Variants in OSBPL6 observed in about 807,000 individuals in gnomAD.
OSBPL6 encodes the protein oxysterol-binding protein-related protein 6.
In OSBPL6, 49 loss-of-function variants were observed where a neutral mutation model predicts 125.8. That is an observed-to-expected ratio of 0.39 (90% CI 0.31 to 0.49). The LOEUF is 0.49. Among genes scored for constraint, OSBPL6 ranks in the 20% least tolerant of loss-of-function variants. The pLI is 0.88. For missense variants in OSBPL6, 986 were observed against 1,135.4 expected, an observed-to-expected ratio of 0.87 and a Z score of 1.89; for synonymous variants, 394 against 391.8, an observed-to-expected ratio of 1.01 and a Z score of -0.07.
intron 2 of OSBPL6, among the ~76,000 whole-genome samples, chr2:178,295,718 A>T (rs1172768442): frequency 1.3e-5 from 2 of 152,106 alleles, no homozygotes; most frequent in African/African-American, 4.8e-5. Flanking sequence ...TCCTTATTGG[A>T]AGGTGTTGTG....
intron 11 of OSBPL6, among the ~76,000 whole-genome samples, chr2:178,348,160 G>A (rs1373089250): frequency 1.3e-5 from 2 of 152,132 alleles, no homozygotes; most frequent in African/African-American, 2.4e-5. Flanking sequence ...AATTAAAAAA[G>A]AAGAGGTCCT....
chr2:178,311,108 A>G (rs1015544171), intron 3 of OSBPL6, among the ~76,000 whole-genome samples: 1 of 152,144 alleles, frequency 6.6e-6, no homozygotes, highest in Non-Finnish European at 1.5e-5. Flanking sequence ...TGAATTGCTG[A>G]CCACTGTCTA....
intron 1 of OSBPL6, among the ~76,000 whole-genome samples, chr2:178,229,318 A>G (rs1340535239): frequency 1.3e-5 from 2 of 152,170 alleles, no homozygotes; most frequent in African/African-American, 4.8e-5. Context: ...TGATCTCTAG[A>G]CCGTGCATGG....
intron 1 of OSBPL6, among the ~76,000 whole-genome samples, chr2:178,241,142 T>G (rs1438932852): frequency 6.6e-6 from 1 of 152,028 alleles, no homozygotes; most frequent in Non-Finnish European, 1.5e-5. Flanking sequence ...CGGTAGAAAT[T>G]TATAGTTAAG....
intron 15 of OSBPL6, among the ~76,000 whole-genome samples, chr2:178,379,521 T>C (rs1437879703): frequency 6.6e-6 from 1 of 152,030 alleles, no homozygotes; most frequent in Non-Finnish European, 1.5e-5. Flanking sequence ...CGAGGAAGAA[T>C]AGACTTTATA....
chr2:178,287,007 GT>G (rs1304269701), intron 2 of OSBPL6, among the ~76,000 whole-genome samples: 1 of 151,984 alleles, frequency 6.6e-6, no homozygotes. Flanking sequence ...TGAACCAAAT[GT>G]TTATATGGTA....
chr2:178,326,311 G>A (rs943836273), intron 4 of OSBPL6, among the ~76,000 whole-genome samples: 3 of 151,952 alleles, frequency 2.0e-5, no homozygotes, highest in Non-Finnish European at 2.9e-5. Context: ...AAACTTGGGC[G>A]ATTATGACAT....
At chr2:178,238,895 AT>A (rs1397372301) in intron 1 of OSBPL6, among the ~76,000 whole-genome samples, 1 of 152,002 alleles carries the variant, frequency 6.6e-6, no homozygotes, top group African/African-American at 2.4e-5. Context: ...GCTTTTTCAC[AT>A]TTTCTTATCC....
intron 13 of OSBPL6, among the ~76,000 whole-genome samples, chr2:178,371,199 C>G (rs1019269730): frequency 6.6e-5 from 10 of 152,138 alleles, no homozygotes; most frequent in Non-Finnish European, 1.2e-4. Context: ...TGTCTTCTCA[C>G]AGGTCTTTAA....
chr2:178,286,597 A>G (rs533847130), intron 2 of OSBPL6, among the ~76,000 whole-genome samples: 1 of 152,334 alleles, frequency 6.6e-6, no homozygotes, highest in Admixed American at 6.5e-5. Flanking sequence ...TAATTTTCAT[A>G]GTGATGTGCT....
At chr2:178,221,060 G>A (rs963668054) in intron 1 of OSBPL6, among the ~76,000 whole-genome samples, 5 of 152,170 alleles carry the variant, frequency 3.3e-5, no homozygotes, top group Non-Finnish European at 5.9e-5. Context: ...AGCCCATTGA[G>A]GCAGCTCAGG....
intron 1 of OSBPL6, among the ~76,000 whole-genome samples, chr2:178,270,909 A>C (rs1479995456): frequency 6.6e-6 from 1 of 152,202 alleles, no homozygotes; most frequent in Non-Finnish European, 1.5e-5. Flanking sequence ...CCCATTTTGC[A>C]GATGAGGAAA....
At chr2:178,338,850 T>A (rs994941340) in intron 9 of OSBPL6, 141 bp from the exon 10 acceptor site, 15 of 598,324 alleles carry the variant, frequency 2.5e-5, no homozygotes, top group Non-Finnish European at 3.2e-5. Flanking sequence ...GGGTCTGTTT[T>A]GTTTCACCTG....
intron 1 of OSBPL6, among the ~76,000 whole-genome samples, chr2:178,197,443 A>G (rs2088966798): frequency 6.6e-6 from 1 of 152,160 alleles, no homozygotes; most frequent in African/African-American, 2.4e-5. Context: ...GTGAGTTTCT[A>G]GGTGATCATT....
intron 13 of OSBPL6, among the ~76,000 whole-genome samples, chr2:178,370,514 G>T (rs929666944): frequency 4.6e-5 from 7 of 152,052 alleles, no homozygotes; most frequent in Non-Finnish European, 7.4e-5. Flanking sequence ...TCGTTGCTGG[G>T]TTTTTTTCTA....
intron 3 of OSBPL6, 22 bp downstream of exon 3, chr2:178,306,308 C>T: frequency 6.8e-7 from 1 of 1,470,412 alleles, no homozygotes; most frequent in East Asian, 2.3e-5. Context: ...GCATTAAGTG[C>T]CTTTGGTTGT....
chr2:178,284,806 G>A (rs1168092667), intron 1 of OSBPL6, 121 bp from the exon 2 acceptor site: 2 of 377,690 alleles, frequency 5.3e-6, no homozygotes, highest in African/African-American at 4.2e-5. Flanking sequence ...GTACCCATAT[G>A]AACTTCCTGT....
At chr2:178,384,283 T>C in intron 18 of OSBPL6, 107 bp downstream of exon 18, 1 of 1,403,692 alleles carries the variant, frequency 7.1e-7, no homozygotes, top group South Asian at 1.3e-5. Flanking sequence ...TGATACCAGT[T>C]GTGAATTCGA....
At chr2:178,218,779 G>A (rs961426689) in intron 1 of OSBPL6, among the ~76,000 whole-genome samples, 11 of 151,880 alleles carry the variant, frequency 7.2e-5, no homozygotes, top group African/African-American at 1.9e-4. Context: ...ACAGGTGTGC[G>A]TCACCATGCC....
Sources: gnomAD v4.1 joint callset for allele counts (sites outside exome capture counted in the v4.1 genomes callset) on GRCh38, gnomAD v4.1.1 for gene constraint, MANE v1.5 for transcripts, NCBI Gene and HGNC (gene_info 2026-07-23, HGNC 2026-07-21) for gene names.